The following POLE variants were observed in gnomAD, a reference collection of about 807,000 sequenced individuals.
POLE encodes the protein DNA polymerase epsilon, catalytic subunit.
Under a neutral mutation model 279.2 loss-of-function variants are expected in POLE, and 188 were observed. The ratio of observed to expected loss-of-function variants is 0.67; its 90% CI spans 0.60 to 0.76. The LOEUF (loss-of-function observed/expected upper bound fraction) is 0.76, where lower values mean the gene tolerates loss of function less well. Ranked by LOEUF, POLE falls within the 30% of genes least tolerant of loss-of-function variation. POLE has a pLI of 0.00. For missense variants in POLE, 2,703 were observed against 3,016.7 expected (o/e 0.90, Z 2.44); for synonymous variants, 1,214 against 1,172.5 (o/e 1.04, Z -0.72).
In POLE at chr12:132,639,810, G is replaced by C. The variant is rs1250664402; in HGVS notation, c.5379-512C>G. Among the ~76,000 whole-genome samples the C allele has an allele frequency of 6.6e-6, 1 of 152,110 alleles. No individual in the cohort carries two copies. The highest frequency in any genetic ancestry group is 1.5e-5 in the Non-Finnish European group (1 of 68,012). The stretch of plus-strand genomic sequence containing the variant: ...CTATTAAAAATACAAAAATTAGCTG[G>C]GCTAGTGCATGCCTGTAATCCTGCT... On this transcript the variant is annotated intron_variant, in intron 39 of 48. Coordinates refer to ENST00000320574, the MANE Select transcript of POLE (RefSeq NM_006231.4). The surrounding 1 kb of genome is among the most constrained non-coding windows in gnomAD (Gnocchi z 4.7).
intron 32 of POLE, among the ~76,000 whole-genome samples, chr12:132,646,702 C>T (rs1593743087): frequency 2.0e-5 from 3 of 151,746 alleles, no homozygotes; most frequent in South Asian, 4.2e-4. Context: ...CGTGGTGGTG[C>T]GTGCCTGTAA....
Position 132,680,172 on chromosome 12 carries a change from A to G in POLE, c.330+6T>C. The stretch of plus-strand genomic sequence containing the variant: ...CGTCTGACCTGAGTCTATGAAACAC[A>G]CTCACCTTTCTGGTCGCAATGTAGA... On this transcript the variant is annotated splice_donor_region_variant and intron_variant, in intron 4 of 48. Coordinates refer to ENST00000320574, the MANE Select transcript of POLE (RefSeq NM_006231.4). 6.2e-7 allele frequency: 1 copy of G among 1,613,752 alleles called. No individual in the cohort carries two copies. Among genetic ancestry groups the G allele is most frequent in the African/African-American group, 1.3e-5 (1 of 74,978 alleles).
At chr12:132,641,425 G>A (rs2138521166) in intron 39 of POLE, 1 of 584,450 alleles carries the variant, frequency 1.7e-6, no homozygotes, top group East Asian at 2.8e-5. Context: ...TGGCCACAGG[G>A]AGGTCAGAGG....
rs5744988 is a variant in POLE, at chr12:132,636,375, C to A, written c.5679-351G>T. Among the ~76,000 whole-genome samples the A allele has an allele frequency of 4.8e-5, 7 of 145,852 alleles. No individual in the cohort carries two copies. In the East Asian group the frequency reaches 1.5e-3, roughly 30 times the overall value. ...CAAGCTCTTTTAAGCTATCGTCATC[C>A]TTGTCACTCCTCGGTTAAGCCTCCC... On this transcript the variant is annotated intron_variant, in intron 41 of 48. Transcript: ENST00000320574.
chr12:132,649,127 C>T lies in POLE; in HGVS notation c.4006-55G>A, dbSNP rs5744903. The T allele has an allele frequency of 0.076, 120,657 of 1,578,468 alleles. 5,170 individuals carry two copies. Among genetic ancestry groups the T allele is most frequent in the Non-Finnish European group, 0.086 (99,708 of 1,159,190 alleles). ...CACAGGACACACTGGAACCCACAGA[C>T]GGGGCCACCTTCCAGGTAGCTTGCA... is the stretch of plus-strand genomic sequence containing the variant. On this transcript the variant is annotated intron_variant, in intron 31 of 48. Transcript: ENST00000320574.
At chr12:132,659,695 C>G in intron 25 of POLE, 186 bp from the exon 26 acceptor site, 1 of 590,460 alleles carries the variant, frequency 1.7e-6, no homozygotes, top group Non-Finnish European at 3.0e-6. Context: ...AAAACTTTAG[C>G]TTTTATATTT....
chr12:132,659,271 C>G lies in POLE; in HGVS notation c.3275+24G>C, dbSNP rs201466650. The stretch of plus-strand genomic sequence containing the variant: ...TCCGTGATGGGAGGAGCCCTCACCT[C>G]TCCGTGATGGGGGGAGCCCTCACCT... On this transcript the variant is annotated intron_variant, in intron 26 of 48. Coordinates refer to ENST00000320574, the MANE Select transcript of POLE (RefSeq NM_006231.4). The G allele has an allele frequency of 6.8e-6, 11 of 1,608,378 alleles. No homozygotes were observed. Among genetic ancestry groups the G allele is most frequent in the South Asian group, 2.2e-5 (2 of 90,650 alleles).
At chr12:132,641,614 A>T (rs2042142573) in intron 39 of POLE, 33 bp downstream of exon 39, 4 of 1,570,326 alleles carry the variant, frequency 2.5e-6, no homozygotes, top group Non-Finnish European at 3.5e-6. Flanking sequence ...AGACCCTTCT[A>T]TTAGTAACAC....
In POLE at chr12:132,661,766, G is replaced by T; in HGVS notation, c.2707-82C>A. Reference sequence around the variant, plus strand: ...ACCACCTGGTGTCCCTCCAGGAGTGGATGGATTGACAAACCGAGGCTTTTC... The same window carrying T: ...ACCACCTGGTGTCCCTCCAGGAGTGTATGGATTGACAAACCGAGGCTTTTC... On this transcript the variant is annotated intron_variant, in intron 23 of 48. Transcript: ENST00000320574. This position sits in a 1 kb window ranked among gnomAD's most constrained non-coding sequence, Gnocchi z 4.1. 7.1e-7 allele frequency: 1 copy of T among 1,409,450 alleles called. No homozygotes were observed. Among genetic ancestry groups the T allele is most frequent in the South Asian group, 1.3e-5 (1 of 76,144 alleles). The allele number at this position is 1,409,450 out of a possible 1,614,324, so 87.3% of individuals were successfully genotyped here. A position where few individuals can be genotyped will look rare whatever the true frequency, so the allele number is the denominator to read the frequency against.
At chr12:132,648,026 C>T (rs1423925804) in intron 32 of POLE, among the ~76,000 whole-genome samples, 1 of 152,210 alleles carries the variant, frequency 6.6e-6, no homozygotes, top group Non-Finnish European at 1.5e-5. Context: ...AACTACGTGT[C>T]ACTTCTTACG....
intron 45 of POLE, among the ~76,000 whole-genome samples, chr12:132,628,353 C>T (rs542800073): frequency 1.4e-5 from 2 of 147,996 alleles, no homozygotes; most frequent in South Asian, 2.1e-4. Flanking sequence ...AAAAAAACTA[C>T]TTTTTTGGGC....
At chr12:132,648,379 G>A (rs868326876) in intron 32 of POLE, among the ~76,000 whole-genome samples, 1 of 151,948 alleles carries the variant, frequency 6.6e-6, no homozygotes, top group East Asian at 1.9e-4. Context: ...AACAGCTAAT[G>A]CATGTGGGGC....
At chr12:132,666,071 C>A (rs1018301655) in intron 20 of POLE, among the ~76,000 whole-genome samples, 1 of 152,176 alleles carries the variant, frequency 6.6e-6, no homozygotes, top group African/African-American at 2.4e-5. Flanking sequence ...AACTCTACTG[C>A]TGGGTACATA....
Position 132,661,396 on chromosome 12 carries a change from C to G in POLE, c.2864+131G>C, listed in dbSNP as rs562476670. On this transcript the variant is annotated intron_variant, in intron 24 of 48. Coordinates refer to ENST00000320574, the MANE Select transcript of POLE (RefSeq NM_006231.4). This position sits in a 1 kb window ranked among gnomAD's most constrained non-coding sequence, Gnocchi z 4.1. ...GGCGGGCAGACAGAGCTGGTGCAAA[C>G]GGAATCAGTAAGATCACAAGAACCC... 4 of 1,089,386 alleles carry G rather than the reference C, an allele frequency of 3.7e-6. No individual in the cohort carries two copies. Among genetic ancestry groups the G allele is most frequent in the Non-Finnish European group, 4.0e-6 (3 of 752,396 alleles). The allele number at this position is 1,089,386 out of a possible 1,614,324, so 67.5% of individuals were successfully genotyped here.
intron 3 of POLE, 120 bp downstream of exon 3, chr12:132,680,487 G>C: frequency 1.3e-6 from 1 of 798,860 alleles, no homozygotes; most frequent in Non-Finnish European, 2.1e-6. Flanking sequence ...CCAGGGGCCC[G>C]AGTTCTGCTG....
In POLE at chr12:132,665,167, C is replaced by A; in HGVS notation, c.2468+135G>T. 7.9e-6 allele frequency: 8 copies of A among 1,013,988 alleles called. No individual in the cohort carries two copies. In the South Asian group the frequency reaches 1.2e-4, roughly 16 times the overall value. 62.8% of individuals were successfully genotyped at this position (1,013,988 alleles called of 1,614,324 possible). ...TCAACCTCCCAGCCCCACCCCAGCC[C>A]AAAGCCTTCTCCCTCCAACATTCCT... On this transcript the variant is annotated intron_variant, in intron 21 of 48. Coordinates refer to ENST00000320574, the MANE Select transcript of POLE (RefSeq NM_006231.4).
intron 45 of POLE, 101 bp from the exon 46 acceptor site, chr12:132,626,418 G>C: frequency 8.9e-7 from 1 of 1,120,510 alleles, no homozygotes. Flanking sequence ...GTTTCCTGGT[G>C]TCCTTTCCTC....
chr12:132,641,424 G>A, intron 39 of POLE: 1 of 583,882 alleles, frequency 1.7e-6, no homozygotes, highest in Admixed American at 3.0e-5. Flanking sequence ...CTGGCCACAG[G>A]GAGGTCAGAG....
rs757215441 is a variant in POLE, at chr12:132,673,572, T to C, written c.1359+3A>G. The stretch of plus-strand genomic sequence containing the variant: ...AGGGGCAGCCGGGATGTGGCTTACG[T>C]GCCTGGGGCTGCTCCGTGGCCATCC... On this transcript the variant is annotated splice_donor_region_variant and intron_variant, in intron 13 of 48. Transcript: ENST00000320574. The C allele has an allele frequency of 6.2e-7, 1 of 1,611,488 alleles. No homozygotes were observed. Among genetic ancestry groups the C allele is most frequent in the Non-Finnish European group, 8.5e-7 (1 of 1,179,944 alleles).
Sources: gnomAD v4.1 joint callset for allele counts (sites outside exome capture counted in the v4.1 genomes callset) on GRCh38, gnomAD v4.1.1 for gene constraint, Gnocchi (gnomAD v3.1) non-coding constraint, MANE v1.5 for transcripts, NCBI Gene and HGNC (gene_info 2026-07-23, HGNC 2026-07-21) for gene names.